The following ODAD2 variants were observed in gnomAD, a reference collection of about 807,000 sequenced individuals.
ODAD2 encodes the protein outer dynein arm docking complex subunit 2.
Under a neutral mutation model 106.8 loss-of-function variants are expected in ODAD2, and 89 were observed. The ratio of observed to expected loss-of-function variants is 0.83; its 90% confidence interval spans 0.70 to 0.99. The LOEUF is 0.99. Ranked by LOEUF, ODAD2 falls within the 50% of genes least tolerant of loss-of-function variation. ODAD2 has a pLI of 0.00. For synonymous variants in ODAD2, 404 were observed against 436.2 expected (o/e 0.93, Z 0.92); for missense variants, 1,168 against 1,238.5 (o/e 0.94, Z 0.85).
chr10:27,941,596 GTTTTTT>G (rs371752746), intron 12 of ODAD2, among the ~76,000 whole-genome samples: 2 of 114,932 alleles, frequency 1.7e-5, no homozygotes, highest in African/African-American at 3.1e-5. Flanking sequence ...CCAGCATCCA[GTTTTTT>G]TTTTTTTTTT....
Position 27,985,020 on chromosome 10 carries a change from A to G in ODAD2, c.574T>C (p.Leu192=), listed in dbSNP as rs535506270. 2 of 1,604,724 alleles carry G rather than the reference A, an allele frequency of 1.2e-6. No homozygotes were observed. Among genetic ancestry groups the G allele is most frequent in the Admixed American group, 1.7e-5 (1 of 58,952 alleles). Residue 192 remains leucine (L), a splice_region_variant and synonymous_variant, in exon 4 of 20, where the codon TTA becomes CTA. Transcript: ENST00000305242. ...GGTTCCTTTTTGAAAAAGACTCACA[A>G]TGAAATATGTTTTAGAGAATGATTG... is the stretch of plus-strand genomic sequence containing the variant. ...LLNHSLKHIS[L]EISLSPMTVK... is the part of the protein sequence containing the mutation.
At chr10:27,888,125 C>A (rs760680193) in intron 17 of ODAD2, among the ~76,000 whole-genome samples, 2 of 152,100 alleles carry the variant, frequency 1.3e-5, no homozygotes, top group Non-Finnish European at 2.9e-5. Flanking sequence ...GATAAACATA[C>A]AAGTACATGT....
chr10:27,995,891 C>T (rs1177163095), intron 1 of ODAD2, among the ~76,000 whole-genome samples: 1 of 152,150 alleles, frequency 6.6e-6, no homozygotes, highest in African/African-American at 2.4e-5. Flanking sequence ...TAATTCACAA[C>T]CTTCTTAAGA....
chr10:27,904,328 T>G, intron 17 of ODAD2: 1 of 317,968 alleles, frequency 3.1e-6, no homozygotes, highest in Non-Finnish European at 6.4e-6. Flanking sequence ...GAACATGGCG[T>G]CATGGCAGGA....
In ODAD2 at chr10:27,887,638, C is replaced by T. The variant is rs546757598; in HGVS notation, c.2610+20025G>A. Among the ~76,000 whole-genome samples the T allele has an allele frequency of 1.7e-4, 26 of 151,822 alleles. No individual in the cohort carries two copies. The South Asian group carries it at 5.4e-3, about 32-fold the overall frequency. ...AGTCATATAAAGTATCTCTTCTGAA[C>T]ACAATGGAATAAAAATAGAAATTTG... is the stretch of plus-strand genomic sequence containing the variant. On this transcript the variant is annotated intron_variant, in intron 17 of 19. Coordinates refer to ENST00000305242, the MANE Select transcript of ODAD2 (RefSeq NM_018076.5).
At chr10:27,879,047 G>A (rs952149507) in intron 17 of ODAD2, among the ~76,000 whole-genome samples, 1 of 152,150 alleles carries the variant, frequency 6.6e-6, no homozygotes, top group African/African-American at 2.4e-5. Flanking sequence ...ATTACGTGTT[G>A]AGGGTAGCTT....
At chr10:27,950,089 T>C (rs1273185638) in intron 10 of ODAD2, among the ~76,000 whole-genome samples, 1 of 152,078 alleles carries the variant, frequency 6.6e-6, no homozygotes, top group East Asian at 1.9e-4. Context: ...AAGCAGCCGG[T>C]GAGACTTGGA....
At chr10:27,940,322 C>T (rs533778251) in intron 13 of ODAD2, among the ~76,000 whole-genome samples, 15 of 150,828 alleles carry the variant, frequency 9.9e-5, no homozygotes, top group Non-Finnish European at 1.8e-4. Flanking sequence ...TCAGCATATA[C>T]GTGTGAGATT....
intron 16 of ODAD2, among the ~76,000 whole-genome samples, chr10:27,924,056 A>AAGAAGGAAAG (rs1284540065): frequency 2.8e-5 from 4 of 145,172 alleles, no homozygotes; most frequent in South Asian, 2.1e-4. Flanking sequence ...AAGAGAAAGA[A>AAGAAGGAAAG]AGAAAGAAAG....
intron 10 of ODAD2, among the ~76,000 whole-genome samples, chr10:27,946,791 G>A (rs943877051): frequency 6.6e-6 from 1 of 152,138 alleles, no homozygotes; most frequent in Non-Finnish European, 1.5e-5. Context: ...ACCCTCTTGT[G>A]AATTCAACAC....
Position 27,974,689 on chromosome 10 carries a change from G to GA in ODAD2, c.937-3377_937-3376insT, listed in dbSNP as rs1849077035. Among the ~76,000 whole-genome samples, 6 of 128,384 alleles carry GA rather than the reference G, an allele frequency of 4.7e-5. No homozygotes were observed. In the East Asian group the frequency reaches 1.1e-3, roughly 24 times the overall value. The allele number at this position is 128,384 out of a possible 152,430, so 84.2% of individuals were successfully genotyped here. ...ATACCTCCAGCTTCGGTCTGTTTTT[G>GA]TTTTTTTTTTTTTTGCTTAGGATTG... On this transcript the variant is annotated intron_variant, in intron 7 of 19. Transcript: ENST00000305242.
rs1284946930 is a variant in ODAD2 at position 27,884,455 on chromosome 10, G to C, written c.2611-21833C>G. 2.0e-5 allele frequency among the ~76,000 whole-genome samples: 3 copies of C among 152,222 alleles called. No homozygotes were observed. The South Asian group carries it at 6.2e-4, about 32-fold the overall frequency. ...CCACCCCTTCTCTGGCACAGCATGGGGCAGTCAGGAGGCATTACTTTAAGT... is the reference window on the plus strand; with the variant it reads ...CCACCCCTTCTCTGGCACAGCATGGCGCAGTCAGGAGGCATTACTTTAAGT... On this transcript the variant is annotated intron_variant, in intron 17 of 19. Transcript: ENST00000305242.
Position 27,860,770 on chromosome 10 carries a change from A to C in ODAD2, c.2876T>G (p.Phe959Cys). The C allele has an allele frequency of 6.2e-7, 1 of 1,614,156 alleles. No homozygotes were observed. Among genetic ancestry groups the C allele is most frequent in the Non-Finnish European group, 8.5e-7 (1 of 1,180,006 alleles). The stretch of plus-strand genomic sequence containing the variant: ...TGGAGCCACTGCTTTGTGCTCACCG[A>C]AGGCCACTCTATTCCTGCCCCACAT... ...CCMWGRNRVA[F>C]GEHKAVAPLV... Residue 959 changes from phenylalanine to cysteine, a missense_variant, in exon 19 of 20, where the codon TTC (phenylalanine) becomes TGC (cysteine). Phe to Cys is a radical substitution (Grantham distance 205, BLOSUM62 -2). Around this residue, in one of 3 missense-constraint regions of ODAD2, gnomAD observed 701 missense variants for 712.3 expected, o/e 0.98. Coordinates refer to ENST00000305242, the MANE Select transcript of ODAD2 (RefSeq NM_018076.5).
chr10:27,843,909 C>A (rs759116650), intron 19 of ODAD2, among the ~76,000 whole-genome samples: 2 of 152,102 alleles, frequency 1.3e-5, no homozygotes, highest in Non-Finnish European at 2.9e-5. Flanking sequence ...CTACTAGCAA[C>A]AATGTTTAAT....
At chr10:27,872,864 G>A (rs1018320366) in intron 17 of ODAD2, among the ~76,000 whole-genome samples, 12 of 152,146 alleles carry the variant, frequency 7.9e-5, no homozygotes, top group African/African-American at 2.9e-4. Context: ...GATGATGCTG[G>A]CCTCATAAAA....
At chr10:27,820,864 C>T (rs771573217) in intron 19 of ODAD2, among the ~76,000 whole-genome samples, 3 of 149,510 alleles carry the variant, frequency 2.0e-5, no homozygotes, top group Non-Finnish European at 4.4e-5. Flanking sequence ...CTCACTGCAA[C>T]CTCTGACTCC....
At chr10:27,827,403 A>G (rs897105957) in intron 19 of ODAD2, among the ~76,000 whole-genome samples, 1 of 143,910 alleles carries the variant, frequency 6.9e-6, no homozygotes, top group Admixed American at 7.0e-5. Flanking sequence ...ATATATATAT[A>G]TATATATATT....
At chr10:27,966,287 G>C (rs1201317339) in intron 9 of ODAD2, among the ~76,000 whole-genome samples, 1 of 152,128 alleles carries the variant, frequency 6.6e-6, no homozygotes, top group Non-Finnish European at 1.5e-5. Context: ...TTCAAGAAGT[G>C]ACTTAAACTT....
chr10:27,928,574 C>T (rs554357492), intron 16 of ODAD2, among the ~76,000 whole-genome samples: 88 of 152,196 alleles, frequency 5.8e-4, no homozygotes, highest in African/African-American at 2.1e-3. Context: ...CTCAAACCTC[C>T]TTTACTGCAG....
Sources: allele counts gnomAD v4.1 joint callset (sites outside exome capture counted in the v4.1 genomes callset), GRCh38; gene constraint gnomAD v4.1.1; regional missense constraint gnomAD v4.1.1; transcripts MANE v1.5; gene names NCBI Gene and HGNC (gene_info 2026-07-23, HGNC 2026-07-21).